RNGTT: variants seen among roughly 807,000 people sequenced by gnomAD.
RNGTT encodes the protein RNA guanylyltransferase and 5'-phosphatase.
In RNGTT, 33 loss-of-function variants were observed where a neutral mutation model predicts 79.3. That is an observed-to-expected ratio of 0.42 (90% confidence interval 0.32 to 0.56). The LOEUF (loss-of-function observed/expected upper bound fraction) is 0.56, where lower values mean the gene tolerates loss of function less well. RNGTT is among the 20% of genes least tolerant of loss of function. The pLI, the probability that RNGTT is intolerant of heterozygous loss-of-function variation, is 0.17. For missense variants in RNGTT, 497 were observed against 739.1 expected, an observed-to-expected ratio of 0.67 and a Z score of 3.80; for synonymous variants, 222 against 235.9, an observed-to-expected ratio of 0.94 and a Z score of 0.54.
intron 4 of RNGTT, among the ~76,000 whole-genome samples, chr6:88,926,821 T>C (rs953891633): frequency 6.6e-6 from 1 of 152,230 alleles, no homozygotes; most frequent in Non-Finnish European, 1.5e-5. Context: ...GTGTGTGACA[T>C]GGTTTACACA....
intron 1 of RNGTT, among the ~76,000 whole-genome samples, chr6:88,948,547 C>T (rs1785113329): frequency 1.3e-5 from 2 of 148,398 alleles, no homozygotes; most frequent in Non-Finnish European, 1.5e-5. Flanking sequence ...GGCGCCTCTG[C>T]CCAGCCGCCC....
intron 14 of RNGTT, among the ~76,000 whole-genome samples, chr6:88,651,626 T>C (rs1017343315): frequency 6.6e-6 from 1 of 152,062 alleles, no homozygotes; most frequent in Non-Finnish European, 1.5e-5. Flanking sequence ...GGATCAGATT[T>C]CCAAAAATAT....
At chr6:88,624,927 T>C (rs1320438669) in intron 14 of RNGTT, among the ~76,000 whole-genome samples, 1 of 151,872 alleles carries the variant, frequency 6.6e-6, no homozygotes, top group African/African-American at 2.4e-5. Flanking sequence ...ACAGACACTT[T>C]ACCAAAGAAG....
At chr6:88,726,293 C>T (rs1364215219) in intron 13 of RNGTT, among the ~76,000 whole-genome samples, 2 of 151,258 alleles carry the variant, frequency 1.3e-5, no homozygotes, top group Non-Finnish European at 2.9e-5. Flanking sequence ...CAATCTGTAC[C>T]GGCAACTGCT....
Position 88,941,085 on chromosome 6 carries a change from G to A in RNGTT, c.160C>T (p.Leu54=). 1.9e-6 allele frequency: 3 copies of A among 1,605,022 alleles called. No homozygotes were observed. Among genetic ancestry groups the A allele is most frequent in the Non-Finnish European group, 2.6e-6 (3 of 1,172,160 alleles). The change falls in exon 2 of 16, where the codon CTA becomes TTA. Residue 54 remains leucine (L), a synonymous_variant. Transcript: ENST00000369485. The part of the protein sequence containing the change: ...RFHPSMLSNY[L]KSLKVKMGLL... ...TTGTTTCTTACCTTTAGGCTCTTTA[G>A]GTAATTTGAGAGCATGCTGGGATGG...
At chr6:88,759,039 T>C (rs1048145799) in intron 13 of RNGTT, among the ~76,000 whole-genome samples, 37 of 152,234 alleles carry the variant, frequency 2.4e-4, no homozygotes, top group African/African-American at 8.7e-4. Flanking sequence ...CAAAATAATT[T>C]TCCAAATCCA....
chr6:88,745,071 A>C (rs1777619247), intron 13 of RNGTT, among the ~76,000 whole-genome samples: 1 of 152,190 alleles, frequency 6.6e-6, no homozygotes, highest in Non-Finnish European at 1.5e-5. Context: ...TGCTAATAGA[A>C]GCTACAACTA....
chr6:88,671,248 C>T (rs765403987), intron 14 of RNGTT, among the ~76,000 whole-genome samples: 12 of 152,170 alleles, frequency 7.9e-5, no homozygotes, highest in Non-Finnish European at 1.3e-4. Context: ...TAAATGAATT[C>T]AGTAAAGTTT....
chr6:88,759,400 T>C (rs1442877019), intron 13 of RNGTT, among the ~76,000 whole-genome samples: 1 of 152,170 alleles, frequency 6.6e-6, no homozygotes, highest in Admixed American at 6.5e-5. Context: ...GGAATGGTGT[T>C]AGACACCAAA....
At chr6:88,656,204 TA>T (rs1773971572) in intron 14 of RNGTT, among the ~76,000 whole-genome samples, 1 of 152,212 alleles carries the variant, frequency 6.6e-6, no homozygotes, top group Non-Finnish European at 1.5e-5. Context: ...GCTTACTTAA[TA>T]AAATCCTAAG....
chr6:88,780,700 T>C (rs961726341), intron 12 of RNGTT, among the ~76,000 whole-genome samples: 1 of 152,068 alleles, frequency 6.6e-6, no homozygotes, highest in African/African-American at 2.4e-5. Flanking sequence ...TCCATTGCCA[T>C]TGTAAAGTCA....
chr6:88,799,972 T>C (rs1168784327), intron 12 of RNGTT, among the ~76,000 whole-genome samples: 1 of 152,138 alleles, frequency 6.6e-6, no homozygotes, highest in Non-Finnish European at 1.5e-5. Flanking sequence ...AAAATAGTAT[T>C]TTCTTCCATT....
chr6:88,922,831 A>G (rs897185934), intron 4 of RNGTT, among the ~76,000 whole-genome samples: 3 of 152,178 alleles, frequency 2.0e-5, no homozygotes, highest in African/African-American at 7.2e-5. Flanking sequence ...AGGATCCAAC[A>G]ATACCTACAA....
intron 13 of RNGTT, among the ~76,000 whole-genome samples, chr6:88,718,407 G>C (rs1420626773): frequency 2.0e-5 from 3 of 150,212 alleles, no homozygotes; most frequent in African/African-American, 7.3e-5. Flanking sequence ...AAAAAGAAAG[G>C]AAAAAAAAGT....
At chr6:88,940,163 C>T (rs559199657) in intron 2 of RNGTT, among the ~76,000 whole-genome samples, 1 of 151,674 alleles carries the variant, frequency 6.6e-6, no homozygotes, top group Admixed American at 6.6e-5. Flanking sequence ...CTGCAACCTC[C>T]GCTTCCCAGG....
intron 14 of RNGTT, among the ~76,000 whole-genome samples, chr6:88,620,015 A>G (rs1420474726): frequency 2.0e-5 from 3 of 152,218 alleles, no homozygotes; most frequent in African/African-American, 7.2e-5. Flanking sequence ...TCCGCCTACT[A>G]AAAGAAGTAA....
chr6:88,832,886 T>C (rs1456556651), intron 11 of RNGTT, among the ~76,000 whole-genome samples: 1 of 152,066 alleles, frequency 6.6e-6, no homozygotes, highest in Non-Finnish European at 1.5e-5. Context: ...TACCATCTCA[T>C]GCCAGTTACA....
intron 14 of RNGTT, among the ~76,000 whole-genome samples, chr6:88,671,707 C>T (rs572616705): frequency 6.6e-6 from 1 of 152,294 alleles, no homozygotes; most frequent in East Asian, 1.9e-4. Flanking sequence ...GCAAACTATA[C>T]TACAAGGATA....
chr6:88,777,861 T>C (rs892522759), intron 12 of RNGTT, among the ~76,000 whole-genome samples: 4 of 152,200 alleles, frequency 2.6e-5, no homozygotes, highest in African/African-American at 9.6e-5. Flanking sequence ...GGGGAATCCT[T>C]GCCTTGTACC....
Sources: gnomAD v4.1 joint callset for allele counts (sites outside exome capture counted in the v4.1 genomes callset) on GRCh38, gnomAD v4.1.1 for gene constraint, MANE v1.5 for transcripts, NCBI Gene and HGNC (gene_info 2026-07-23, HGNC 2026-07-21) for gene names.